The following PREX2 variants were observed in gnomAD, a reference collection of about 807,000 sequenced individuals.
PREX2 encodes phosphatidylinositol 3,4,5-trisphosphate-dependent Rac exchanger 2 protein.
A neutral mutation model predicts 203.2 loss-of-function variants in PREX2; 107 were observed. That is an observed-to-expected ratio of 0.53 (90% CI 0.45 to 0.62). The LOEUF is 0.62. PREX2 is among the 20% of genes least tolerant of loss of function. PREX2 has a pLI of 0.00. For synonymous variants in PREX2, 672 were observed against 663.6 expected (o/e 1.01, Z -0.19); for missense variants, 1,777 against 1,955.9 (o/e 0.91, Z 1.72).
chr8:68,107,637 T>G (rs925481711), intron 23 of PREX2, among the ~76,000 whole-genome samples: 1 of 152,198 alleles, frequency 6.6e-6, no homozygotes, highest in African/African-American at 2.4e-5. Context: ...GTACACAGAC[T>G]AGTGCTTTGG....
chr8:68,223,076 G>C (rs1812987787), intron 38 of PREX2, among the ~76,000 whole-genome samples: 1 of 152,178 alleles, frequency 6.6e-6, no homozygotes, highest in Admixed American at 6.5e-5. Context: ...TCTTGGAACA[G>C]AAAAGAAACC....
At chr8:67,994,340 T>C (rs1446451496) in intron 1 of PREX2, among the ~76,000 whole-genome samples, 2 of 152,236 alleles carry the variant, frequency 1.3e-5, no homozygotes, top group Non-Finnish European at 2.9e-5. Flanking sequence ...GACAGGCATT[T>C]CACACTGGCA....
chr8:68,065,319 G>A (rs1808983682), intron 11 of PREX2, among the ~76,000 whole-genome samples: 1 of 152,174 alleles, frequency 6.6e-6, no homozygotes, highest in South Asian at 2.1e-4. Flanking sequence ...AATGGGAATA[G>A]GTAGATTGCA....
At chr8:68,121,993 A>G (rs959470356) in intron 30 of PREX2, among the ~76,000 whole-genome samples, 3 of 152,186 alleles carry the variant, frequency 2.0e-5, no homozygotes, top group South Asian at 4.1e-4. Context: ...ATAGTATTCA[A>G]TGGTATTTAA....
chr8:68,028,577 T>G (rs1397591015), intron 5 of PREX2, among the ~76,000 whole-genome samples: 1 of 151,996 alleles, frequency 6.6e-6, no homozygotes, highest in Non-Finnish European at 1.5e-5. Context: ...GAAATAAGAG[T>G]CTAGCATTGC....
chr8:68,069,247 C>T lies in PREX2; in HGVS notation c.1443+111C>T, dbSNP rs1057434985. 8.1e-6 allele frequency: 5 copies of T among 614,782 alleles called. 1 individual carries two copies. Among genetic ancestry groups the T allele is most frequent in the East Asian group, 3.3e-5 (1 of 30,112 alleles). 38.1% of individuals were successfully genotyped at this position (614,782 alleles called of 1,614,324 possible). On this transcript the variant is annotated intron_variant, in intron 12 of 39. Transcript: ENST00000288368. ...GATTTTTCTAGTTTAGAAAATTCTT[C>T]GACTATATATACAAGCAAGCCTCTT...
intron 35 of PREX2, among the ~76,000 whole-genome samples, chr8:68,169,995 A>G (rs1227012419): frequency 6.6e-6 from 1 of 152,240 alleles, no homozygotes; most frequent in Non-Finnish European, 1.5e-5. Context: ...TTAGTAATTC[A>G]GAGGAGGTGG....
intron 35 of PREX2, among the ~76,000 whole-genome samples, chr8:68,159,512 A>G (rs1811611592): frequency 6.6e-6 from 1 of 152,170 alleles, no homozygotes; most frequent in Admixed American, 6.6e-5. Flanking sequence ...CAGTACTTGT[A>G]AAAAATGGGT....
intron 1 of PREX2, among the ~76,000 whole-genome samples, chr8:68,008,083 G>C (rs1055983900): frequency 1.3e-5 from 2 of 152,110 alleles, no homozygotes; most frequent in African/African-American, 4.8e-5. Flanking sequence ...AGGCAGAGTG[G>C]CTCCAGAAAG....
intron 37 of PREX2, among the ~76,000 whole-genome samples, chr8:68,202,350 G>A (rs576063236): frequency 6.6e-6 from 1 of 152,306 alleles, no homozygotes; most frequent in South Asian, 2.1e-4. Flanking sequence ...GGTAGCGACT[G>A]GACAGGATTG....
intron 23 of PREX2, among the ~76,000 whole-genome samples, chr8:68,103,241 C>T (rs532521799): frequency 2.6e-5 from 4 of 152,150 alleles, no homozygotes; most frequent in African/African-American, 4.8e-5. Flanking sequence ...AAATCTTCCC[C>T]GTGTCCCCTT....
rs1805363062 is a variant in PREX2, at chr8:67,952,317, C to CG, written c.-73dup. Reference sequence around the variant, plus strand: ...GGCGGCAACTTTCCATTCTCGCCGCCGGGGGCCGGGCAGCAGCGGGCGCGC... The same window carrying CG: ...GGCGGCAACTTTCCATTCTCGCCGCCGGGGGGCCGGGCAGCAGCGGGCGCGC... On this transcript the variant is annotated 5_prime_UTR_variant, in exon 1 of 40. Coordinates refer to ENST00000288368, the MANE Select transcript of PREX2 (RefSeq NM_024870.4). The CG allele has an allele frequency of 8.0e-7, 1 of 1,246,756 alleles. No homozygotes were observed. Among genetic ancestry groups the CG allele is most frequent in the Non-Finnish European group, 1.0e-6 (1 of 980,498 alleles). The allele number at this position is 1,246,756 out of a possible 1,614,324, so 77.2% of individuals were successfully genotyped here.
chr8:68,174,784 C>T (rs552066568), intron 35 of PREX2, among the ~76,000 whole-genome samples: 8 of 152,196 alleles, frequency 5.3e-5, no homozygotes, highest in African/African-American at 1.4e-4. Context: ...TTTGTATGTA[C>T]GTGAATGCTC....
At chr8:68,026,727 A>G (rs1312035461) in intron 4 of PREX2, among the ~76,000 whole-genome samples, 1 of 152,078 alleles carries the variant, frequency 6.6e-6, no homozygotes, top group African/African-American at 2.4e-5. Context: ...ACTTGCTTAA[A>G]ACCTGTCCTA....
intron 1 of PREX2, among the ~76,000 whole-genome samples, chr8:68,004,715 A>G (rs931844725): frequency 3.3e-5 from 5 of 152,216 alleles, no homozygotes; most frequent in Non-Finnish European, 7.3e-5. Context: ...CTGAATCCAT[A>G]TTCCGTCAGG....
In PREX2 at chr8:68,176,411, A is replaced by G. The variant is rs201977619; in HGVS notation, c.4347-15311A>G. Among the ~76,000 whole-genome samples, 150 of 114,418 alleles carry G rather than the reference A, an allele frequency of 1.3e-3. 1 individual carries two copies. The East Asian group carries it at 0.036, about 28-fold the overall frequency. 75.1% of individuals were successfully genotyped at this position (114,418 alleles called of 152,430 possible). On this transcript the variant is annotated intron_variant, in intron 35 of 39. Coordinates refer to ENST00000288368, the MANE Select transcript of PREX2 (RefSeq NM_024870.4). Reference sequence around the variant, plus strand: ...TCTGCAGTGGGGTGAGTGAGAAGACACAGAAAGTTAATGATGTGGAATTTG... The same window carrying G: ...TCTGCAGTGGGGTGAGTGAGAAGACGCAGAAAGTTAATGATGTGGAATTTG...
chr8:68,165,092 G>T (rs953656255), intron 35 of PREX2, among the ~76,000 whole-genome samples: 1 of 151,626 alleles, frequency 6.6e-6, no homozygotes, highest in Non-Finnish European at 1.5e-5. Context: ...AATCTTGCTG[G>T]GTATTCAAAG....
chr8:68,118,521 T>TACAG, intron 26 of PREX2, 29 bp from the exon 27 acceptor site: 1 of 1,521,128 alleles, frequency 6.6e-7, no homozygotes. Flanking sequence ...GATGCACTCT[T>TACAG]ACAGTAACAT....
chr8:68,206,604 AC>A (rs1346539266), intron 37 of PREX2, among the ~76,000 whole-genome samples: 3 of 152,200 alleles, frequency 2.0e-5, no homozygotes, highest in Admixed American at 6.5e-5. Context: ...CAGAAGAGCT[AC>A]CCTTGAATTC....
Sources: allele counts gnomAD v4.1 joint callset (sites outside exome capture counted in the v4.1 genomes callset), GRCh38; gene constraint gnomAD v4.1.1; transcripts MANE v1.5; gene names NCBI Gene and HGNC (gene_info 2026-07-23, HGNC 2026-07-21).